The following PDE1C variants were observed in gnomAD, a reference collection of about 807,000 sequenced individuals.
The protein encoded by PDE1C is dual specificity calcium/calmodulin-dependent 3',5'-cyclic nucleotide phosphodiesterase 1C.
A neutral mutation model predicts 93.1 loss-of-function variants in PDE1C; 62 were observed. That is an observed-to-expected ratio of 0.67 (90% CI 0.54 to 0.82). PDE1C has a LOEUF of 0.82. Ranked by LOEUF, PDE1C falls within the 40% of genes least tolerant of loss-of-function variation. The pLI, the probability that PDE1C is intolerant of heterozygous loss-of-function variation, is 0.00. For missense variants in PDE1C, 742 were observed against 884.6 expected (o/e 0.84, Z 2.04); for synonymous variants, 325 against 310.1 (o/e 1.05, Z -0.50).
chr7:32,115,973 G>A (rs1563325813), intron 3 of PDE1C, among the ~76,000 whole-genome samples: 3 of 152,096 alleles, frequency 2.0e-5, no homozygotes, highest in African/African-American at 4.8e-5. Flanking sequence ...GGGAAAAAAT[G>A]GCATGGGTGA....
At chr7:32,239,181 T>C (rs1039552784) in intron 1 of PDE1C, among the ~76,000 whole-genome samples, 1 of 152,156 alleles carries the variant, frequency 6.6e-6, no homozygotes, top group Non-Finnish European at 1.5e-5. Flanking sequence ...CAGTGAGTCA[T>C]GATTGTGCCA....
intron 16 of PDE1C, among the ~76,000 whole-genome samples, chr7:31,806,204 T>A (rs1786801342): frequency 6.6e-6 from 1 of 151,958 alleles, no homozygotes; most frequent in African/African-American, 2.4e-5. Context: ...AATCTGTTGT[T>A]TGAGAGGCAC....
the PDE1C span, chr7:31,642,980 A>G: frequency 1.2e-6 from 2 of 1,613,914 alleles, no homozygotes; most frequent in Non-Finnish European, 1.7e-6. Context: ...CCAAGGAAAG[A>G]CAGCCATCTG....
chr7:32,363,434 C>T (rs451319), intron 1 of PDE1C, among the ~76,000 whole-genome samples: 147,613 of 152,350 alleles, frequency 0.97, 71,533 homozygotes, highest in East Asian at 1. Flanking sequence ...CAAAGCCTTG[C>T]GTTAAAACCC....
chr7:32,308,386 G>A (rs1012772393), intron 1 of PDE1C, among the ~76,000 whole-genome samples: 3 of 152,236 alleles, frequency 2.0e-5, no homozygotes, highest in African/African-American at 7.2e-5. Flanking sequence ...AGAGAGTAGT[G>A]GTTCTCCCAG....
the PDE1C span, among the ~76,000 whole-genome samples, chr7:31,741,986 T>C: frequency 6.6e-6 from 1 of 152,208 alleles, no homozygotes; most frequent in Non-Finnish European, 1.5e-5. Flanking sequence ...GCCCACTGGA[T>C]GAGAGCTCCG....
At chr7:31,643,695 G>T in the PDE1C span, 1 of 1,613,978 alleles carries the variant, frequency 6.2e-7, no homozygotes, top group East Asian at 2.2e-5. Context: ...TGACACATGG[G>T]CCCCAGCCCC....
At position 31,824,934 on chromosome 7, in the gene PDE1C, C is replaced by T. The variant is rs374973459; in HGVS notation, c.1339G>A (p.Glu447Lys). 268 of 1,613,260 alleles carry T rather than the reference C, an allele frequency of 1.7e-4. No individual in the cohort carries two copies. Among genetic ancestry groups the T allele is most frequent in the Non-Finnish European group, 2.1e-4 (253 of 1,179,542 alleles). Reference protein sequence around the residue: ...PTFTVLTDMTEKIVSPLIDET... With the variant: ...PTFTVLTDMTKKIVSPLIDET... ...TCGATTAATGGACTCACAATCTTCT[C>T]GGTCATGTCCGTAAGCACAGTGAAG... The change falls in exon 13 of 18, where the codon GAG becomes AAG. Residue 447 changes from glutamate (E) to lysine (K), a missense_variant. Physicochemically the swap from Glu to Lys is moderately conservative, Grantham distance 56. Transcript: ENST00000396191.
the PDE1C span, among the ~76,000 whole-genome samples, chr7:31,638,487 G>A: frequency 6.6e-6 from 1 of 152,062 alleles, no homozygotes; most frequent in East Asian, 1.9e-4. Context: ...CTAGGTTTTT[G>A]TTATAAATCC....
the PDE1C span, among the ~76,000 whole-genome samples, chr7:31,690,347 G>T: frequency 6.6e-6 from 1 of 152,282 alleles, no homozygotes; most frequent in Admixed American, 6.5e-5. Flanking sequence ...CCACCCAGTA[G>T]GTATTATTAT....
chr7:31,907,670 TA>T (rs1322821517), intron 2 of PDE1C, among the ~76,000 whole-genome samples: 1 of 152,102 alleles, frequency 6.6e-6, no homozygotes, highest in African/African-American at 2.4e-5. Context: ...AAAAGTAATC[TA>T]AATACAAAAT....
the PDE1C span, chr7:31,643,558 C>T: frequency 2.5e-6 from 4 of 1,613,982 alleles, no homozygotes; most frequent in Admixed American, 6.7e-5. Context: ...GGGGACTGGT[C>T]CCAGAGGAAC....
At chr7:32,020,444 A>AT (rs1286196259) in intron 2 of PDE1C, among the ~76,000 whole-genome samples, 1 of 151,960 alleles carries the variant, frequency 6.6e-6, no homozygotes, top group Non-Finnish European at 1.5e-5. Context: ...TTCTAAATTT[A>AT]TTTTTTTCTG....
intron 2 of PDE1C, among the ~76,000 whole-genome samples, chr7:32,005,842 G>A (rs1395219669): frequency 6.6e-6 from 1 of 152,000 alleles, no homozygotes; most frequent in Non-Finnish European, 1.5e-5. Flanking sequence ...TTTTAAACAG[G>A]TTTTGTACAG....
intron 7 of PDE1C, among the ~76,000 whole-genome samples, chr7:31,856,155 C>A (rs3801341): frequency 2.0e-5 from 3 of 152,082 alleles, no homozygotes; most frequent in Non-Finnish European, 4.4e-5. Flanking sequence ...TGATTCTCTA[C>A]GTGTCTTACA....
rs151153684 is a variant in PDE1C, at chr7:32,399,471, C to A, written c.310+28351G>T. On this transcript the variant is annotated intron_variant, in intron 1 of 1. Transcript: ENST00000672256. ...CTGGTGAGAGCCTACAGCTGGCTTG[C>A]GGGCGGTGCCTCTCACTATGTCCTC... Among the ~76,000 whole-genome samples the A allele has an allele frequency of 7.9e-3, 1,198 of 151,882 alleles. 12 individuals are homozygous for A. The highest frequency in any genetic ancestry group is 0.028 in the African/African-American group (1,151 of 41,450).
At chr7:32,035,869 T>C (rs987708722) in intron 2 of PDE1C, among the ~76,000 whole-genome samples, 1 of 152,172 alleles carries the variant, frequency 6.6e-6, no homozygotes, top group Non-Finnish European at 1.5e-5. Context: ...ACAGGAAAGG[T>C]AATCCCATGT....
At chr7:31,865,180 A>C in intron 6 of PDE1C, 98 bp from the exon 7 acceptor site, 2 of 1,159,184 alleles carry the variant, frequency 1.7e-6, no homozygotes, top group Non-Finnish European at 2.5e-6. Context: ...CTCTGAAGGC[A>C]TAACACATGA....
intron 1 of PDE1C, among the ~76,000 whole-genome samples, chr7:32,211,958 T>G (rs1806065160): frequency 6.9e-6 from 1 of 144,414 alleles, no homozygotes; most frequent in African/African-American, 2.6e-5. Context: ...CCCAGGAGGT[T>G]GAGGCTGCAG....
Sources: allele counts gnomAD v4.1 joint callset (sites outside exome capture counted in the v4.1 genomes callset), GRCh38; gene constraint gnomAD v4.1.1; transcripts MANE v1.5; gene names NCBI Gene and HGNC (gene_info 2026-07-23, HGNC 2026-07-21).